Variants in CNTNAP5 observed in about 807,000 individuals in gnomAD.
The protein encoded by CNTNAP5 is contactin associated protein family member 5.
In CNTNAP5, 72 loss-of-function variants were observed where a neutral mutation model predicts 150.2. That is an observed-to-expected ratio of 0.48 (90% CI 0.40 to 0.58). The LOEUF is 0.58. Among genes scored for constraint, CNTNAP5 ranks in the 20% least tolerant of loss-of-function variants. The pLI is 0.00. For synonymous variants in CNTNAP5, 672 were observed against 619.8 expected (o/e 1.08, Z -1.25); for missense variants, 1,636 against 1,626.2 (o/e 1.01, Z -0.10).
intron 1 of CNTNAP5, among the ~76,000 whole-genome samples, chr2:124,145,829 GAAGAAAAA>G (rs1684233275): frequency 4.0e-5 from 1 of 25,186 alleles, no homozygotes; most frequent in Non-Finnish European, 6.8e-5. Context: ...AAAAAAAAAA[GAAGAAAAA>G]AAAAAAAAAT....
At chr2:124,612,659 G>C (rs999156472) in intron 12 of CNTNAP5, among the ~76,000 whole-genome samples, 2 of 152,200 alleles carry the variant, frequency 1.3e-5, no homozygotes, top group African/African-American at 4.8e-5. Flanking sequence ...TGATCAGCTT[G>C]ATGCGTATGG....
At chr2:124,058,924 T>C (rs901893200) in intron 1 of CNTNAP5, among the ~76,000 whole-genome samples, 1 of 152,186 alleles carries the variant, frequency 6.6e-6, no homozygotes, top group Non-Finnish European at 1.5e-5. Context: ...TAATTGGCCA[T>C]GTGCCTATTC....
intron 3 of CNTNAP5, among the ~76,000 whole-genome samples, chr2:124,281,645 C>G (rs1257235624): frequency 6.6e-6 from 1 of 152,156 alleles, no homozygotes; most frequent in African/African-American, 2.4e-5. Flanking sequence ...AAGCCAACAA[C>G]TTGAGGAAAC....
At chr2:124,883,854 A>G (rs1239749322) in intron 21 of CNTNAP5, among the ~76,000 whole-genome samples, 2 of 152,040 alleles carry the variant, frequency 1.3e-5, no homozygotes, top group Admixed American at 6.6e-5. Flanking sequence ...CTGGATATCT[A>G]TGTTTCTGCG....
At chr2:124,423,336 C>T (rs1692154994) in intron 4 of CNTNAP5, among the ~76,000 whole-genome samples, 2 of 151,872 alleles carry the variant, frequency 1.3e-5, no homozygotes, top group Admixed American at 6.6e-5. Context: ...TTTTTTTTCC[C>T]ACTCTTACTC....
chr2:124,121,137 TACACACACAC>T (rs3981152), intron 1 of CNTNAP5, among the ~76,000 whole-genome samples: 15 of 148,650 alleles, frequency 1.0e-4, no homozygotes, highest in Non-Finnish European at 2.1e-4. Flanking sequence ...CTTATTGCCA[TACACACACAC>T]ACACACACAC....
At chr2:124,077,073 A>C (rs537442134) in intron 1 of CNTNAP5, among the ~76,000 whole-genome samples, 1 of 152,102 alleles carries the variant, frequency 6.6e-6, no homozygotes, top group Non-Finnish European at 1.5e-5. Context: ...AAAGTCACGC[A>C]AAAGTTAGAT....
intron 11 of CNTNAP5, among the ~76,000 whole-genome samples, chr2:124,598,767 C>T (rs1168739624): frequency 6.6e-6 from 1 of 152,172 alleles, no homozygotes; most frequent in Non-Finnish European, 1.5e-5. Context: ...GCAGTTTGAT[C>T]TCAGACTGCT....
chr2:124,095,925 G>C (rs941405110), intron 1 of CNTNAP5, among the ~76,000 whole-genome samples: 1 of 152,162 alleles, frequency 6.6e-6, no homozygotes, highest in African/African-American at 2.4e-5. Flanking sequence ...AGATGAATAA[G>C]TTGAGGCTTA....
At chr2:124,875,947 A>G (rs1235615895) in intron 21 of CNTNAP5, among the ~76,000 whole-genome samples, 2 of 152,100 alleles carry the variant, frequency 1.3e-5, no homozygotes, top group Non-Finnish European at 2.9e-5. Flanking sequence ...TTCAAGGTGT[A>G]AGATCTGCTT....
rs926129352 is a variant in CNTNAP5 at position 124,754,957 on chromosome 2, A to G, written c.2234+7572A>G. On this transcript the variant is annotated intron_variant, in intron 14 of 23. Coordinates refer to ENST00000682447, the MANE Select transcript of CNTNAP5 (RefSeq NM_001367498.1). ...AAAGAAAAAATATGAAAATAGAAAA[A>G]AAGAACTTGTAATAACAGGTTGAAA... 2.0e-5 allele frequency among the ~76,000 whole-genome samples: 3 copies of G among 152,186 alleles called. No individual in the cohort carries two copies. In the East Asian group the frequency reaches 5.8e-4, roughly 29 times the overall value.
At chr2:124,666,342 A>C (rs1270230779) in intron 13 of CNTNAP5, among the ~76,000 whole-genome samples, 2 of 152,200 alleles carry the variant, frequency 1.3e-5, no homozygotes, top group East Asian at 3.9e-4. Context: ...AAAATATTTA[A>C]GATAAGGAGG....
chr2:124,282,874 A>T (rs1688048469), intron 3 of CNTNAP5, among the ~76,000 whole-genome samples: 1 of 152,172 alleles, frequency 6.6e-6, no homozygotes, highest in South Asian at 2.1e-4. Flanking sequence ...TATATGAAAT[A>T]GATAATATAT....
At chr2:124,671,587 C>T (rs2105057930) in intron 13 of CNTNAP5, among the ~76,000 whole-genome samples, 1 of 152,206 alleles carries the variant, frequency 6.6e-6, no homozygotes, top group South Asian at 2.1e-4. Context: ...TCTTTTGTTT[C>T]AGGAATGTGC....
chr2:124,095,511 A>C (rs945591941), intron 1 of CNTNAP5, among the ~76,000 whole-genome samples: 1 of 152,030 alleles, frequency 6.6e-6, no homozygotes, highest in African/African-American at 2.4e-5. Context: ...TAAAGTTAAA[A>C]AAAAAGCTGC....
chr2:124,115,068 G>A (rs2104709657), intron 1 of CNTNAP5, among the ~76,000 whole-genome samples: 1 of 151,884 alleles, frequency 6.6e-6, no homozygotes, highest in Non-Finnish European at 1.5e-5. Flanking sequence ...ATTATGATTA[G>A]CATATTATTA....
Position 124,457,801 on chromosome 2 carries a change from CAT to C in CNTNAP5, c.918+10867_918+10868del, listed in dbSNP as rs1693155666. 2.0e-5 allele frequency among the ~76,000 whole-genome samples: 3 copies of C among 152,028 alleles called. No individual in the cohort carries two copies. In the South Asian group the frequency reaches 6.2e-4, roughly 32 times the overall value. On this transcript the variant is annotated intron_variant, in intron 6 of 23. Transcript: ENST00000682447. ...AGAAGATATACAAATGGCCAACAAA[CAT>C]ATGAAAAAATGCTCAATATCACTAA...
At chr2:124,610,848 T>C (rs1677363387) in intron 12 of CNTNAP5, among the ~76,000 whole-genome samples, 1 of 150,608 alleles carries the variant, frequency 6.6e-6, no homozygotes, top group Non-Finnish European at 1.5e-5. Context: ...TCCCAACTAC[T>C]CCCGAGGCTG....
intron 3 of CNTNAP5, among the ~76,000 whole-genome samples, chr2:124,346,288 C>T (rs1689735354): frequency 6.6e-6 from 1 of 152,162 alleles, no homozygotes; most frequent in African/African-American, 2.4e-5. Flanking sequence ...AGTATTCGTT[C>T]AAGGTCATTA....
Sources: gnomAD v4.1 joint callset for allele counts (sites outside exome capture counted in the v4.1 genomes callset) on GRCh38, gnomAD v4.1.1 for gene constraint, MANE v1.5 for transcripts, NCBI Gene and HGNC (gene_info 2026-07-23, HGNC 2026-07-21) for gene names.